NOVA2: variants seen among roughly 807,000 people sequenced by gnomAD.
NOVA2 encodes the protein NOVA alternative splicing regulator 2, also known as RNA-binding protein Nova-2.
NOVA2 carries 9 observed loss-of-function variants against 22.5 expected under a neutral mutation model. The ratio of observed to expected loss-of-function variants is 0.40; its 90% confidence interval spans 0.24 to 0.70. NOVA2 has a LOEUF of 0.70. Among genes scored for constraint, NOVA2 ranks in the 30% least tolerant of loss-of-function variants. The pLI, the probability that NOVA2 is intolerant of heterozygous loss-of-function variation, is 0.38. For missense variants in NOVA2, 383 were observed against 682.8 expected (o/e 0.56, Z 4.89); for synonymous variants, 318 against 335.2 (o/e 0.95, Z 0.56).
intron 2 of NOVA2, 75 bp downstream of exon 2, chr19:45,960,935 A>C (rs1968086988): frequency 1.4e-6 from 2 of 1,452,682 alleles, no homozygotes; most frequent in South Asian, 1.3e-5. Context: ...CTTCCCCCTC[A>C]TCTAGGGCCC....
chr19:45,950,457 G>A (rs568846664), intron 3 of NOVA2, among the ~76,000 whole-genome samples: 170 of 152,274 alleles, frequency 1.1e-3, no homozygotes, highest in African/African-American at 3.6e-3. Context: ...CACTGCTCCC[G>A]GCCTGTTATG....
chr19:45,939,648 T>C lies in NOVA2; in HGVS notation c.*215A>G. 1 of 608,082 alleles carries C rather than the reference T, an allele frequency of 1.6e-6. No homozygotes were observed. Among genetic ancestry groups the C allele is most frequent in the Non-Finnish European group, 2.8e-6 (1 of 351,334 alleles). 37.7% of individuals were successfully genotyped at this position (608,082 alleles called of 1,614,324 possible). ...AGGGAGGGAGGAAGGAGGGGTCAGT[T>C]CCGGGCTGGGGAGGGGGCTTCTGAG... On this transcript the variant is annotated 3_prime_UTR_variant, in exon 4 of 4. Coordinates refer to ENST00000263257, the MANE Select transcript of NOVA2 (RefSeq NM_002516.4).
rs558200767 is a variant in NOVA2 at position 45,965,011 on chromosome 19, C to T, written c.86-3858G>A. Among the ~76,000 whole-genome samples the T allele has an allele frequency of 2.0e-5, 3 of 152,240 alleles. No individual in the cohort carries two copies. The East Asian group carries it at 5.8e-4, about 29-fold the overall frequency. On this transcript the variant is annotated intron_variant, in intron 1 of 3. Coordinates refer to ENST00000263257, the MANE Select transcript of NOVA2 (RefSeq NM_002516.4). ...CACCAAGGCAATCCTCTTAAACTTG[C>T]TTAATCAGACCATTAAGCCTATTAG...
At chr19:45,955,262 T>C (rs1470627815) in intron 2 of NOVA2, among the ~76,000 whole-genome samples, 2 of 152,104 alleles carry the variant, frequency 1.3e-5, no homozygotes, top group African/African-American at 2.4e-5. Flanking sequence ...CTGAGACTAT[T>C]TGGATGACCA....
chr19:45,959,821 G>GGAGAGAGAGAGAGAGAGAGAGAGAGA (rs146270704), intron 2 of NOVA2, among the ~76,000 whole-genome samples: 4 of 136,650 alleles, frequency 2.9e-5, no homozygotes, highest in Non-Finnish European at 6.4e-5. Flanking sequence ...AGACAGAGAG[G>GGAGAGAGAGAGAGAGAGAGAGAGAGA]GAGAGAGAGA....
chr19:45,955,751 G>A (rs1211932078), intron 2 of NOVA2, among the ~76,000 whole-genome samples: 2 of 152,044 alleles, frequency 1.3e-5, no homozygotes, highest in African/African-American at 2.4e-5. Context: ...CCAGCTACAC[G>A]GGAGGCTGAG....
chr19:45,955,790 G>A (rs564010557), intron 2 of NOVA2, among the ~76,000 whole-genome samples: 29 of 152,108 alleles, frequency 1.9e-4, no homozygotes, highest in African/African-American at 6.7e-4. Context: ...CCTGGGAGGC[G>A]GAGGTTGCAG....
intron 1 of NOVA2, among the ~76,000 whole-genome samples, chr19:45,964,348 TTGTGTGTGTGTGTGTGTG>T (rs57818599): frequency 2.0e-3 from 234 of 119,568 alleles, no homozygotes; most frequent in South Asian, 3.2e-3. Flanking sequence ...CCCGGCTAAT[TTGTGTGTGTGTGTGTGTG>T]TGTGTGTGTG....
intron 1 of NOVA2, among the ~76,000 whole-genome samples, chr19:45,972,793 C>T (rs969978512): frequency 2.0e-5 from 3 of 152,142 alleles, no homozygotes; most frequent in African/African-American, 7.2e-5. Context: ...ACGCACGATC[C>T]GGCCAGGGCC....
At position 45,936,583 on chromosome 19, in the gene NOVA2, G is replaced by A. The variant is rs1967656195; in HGVS notation, c.*3280C>T. 6.6e-6 allele frequency: 1 copy of A among 151,220 alleles called. No individual in the cohort carries two copies. Among genetic ancestry groups the A allele is most frequent in the African/African-American group, 2.4e-5 (1 of 41,062 alleles). The allele number at this position is 151,220 out of a possible 1,614,324, so 9.4% of individuals were successfully genotyped here. A position where few individuals can be genotyped will look rare whatever the true frequency, so the allele number is the denominator to read the frequency against. ...GGCACTTTTTTTTTTTTTTAAATGG[G>A]GAAATTGGGGAGAGAGAGTTGAGAC... On this transcript the variant is annotated 3_prime_UTR_variant, in exon 4 of 4. Transcript: ENST00000263257.
chr19:45,967,511 T>A (rs548852226), intron 1 of NOVA2: 1 of 152,198 alleles, frequency 6.6e-6, no homozygotes, highest in Non-Finnish European at 1.5e-5. Flanking sequence ...CTCTACCCGA[T>A]GTAAGAGTCT....
intron 2 of NOVA2, 129 bp from the exon 3 acceptor site, chr19:45,954,075 G>C: frequency 1.0e-6 from 1 of 990,906 alleles, no homozygotes. Context: ...CACACGGTGA[G>C]CCTGGGGGAG....
rs1568657372 is a variant in NOVA2, at chr19:45,936,370, T to C, written c.*3493A>G. Reference sequence around the variant, plus strand: ...AAAGGAGAGCTTTTTTCTGTCTTTTTTTTTTTTTCTTACAAAGATTCTAAG... The same window carrying C: ...AAAGGAGAGCTTTTTTCTGTCTTTTCTTTTTTTTCTTACAAAGATTCTAAG... On this transcript the variant is annotated 3_prime_UTR_variant, in exon 4 of 4. Coordinates refer to ENST00000263257, the MANE Select transcript of NOVA2 (RefSeq NM_002516.4). 6.6e-6 allele frequency: 1 copy of C among 151,724 alleles called. No individual in the cohort carries two copies. The allele number at this position is 151,724 out of a possible 1,614,324, so 9.4% of individuals were successfully genotyped here. A position where few individuals can be genotyped will look rare whatever the true frequency, so the allele number is the denominator to read the frequency against.
intron 1 of NOVA2, among the ~76,000 whole-genome samples, chr19:45,972,364 G>A (rs563419284): frequency 2.0e-5 from 3 of 151,820 alleles, no homozygotes; most frequent in East Asian, 1.9e-4. Flanking sequence ...CACCAGCCAC[G>A]CCTGTGTCAC....
intron 3 of NOVA2, among the ~76,000 whole-genome samples, chr19:45,944,369 G>A (rs1294206652): frequency 1.3e-5 from 2 of 152,132 alleles, no homozygotes; most frequent in Non-Finnish European, 2.9e-5. Flanking sequence ...TTGAGCCCAG[G>A]AGGTTGAGGC....
rs1464512035 is a variant in NOVA2, at chr19:45,938,631, C to G, written c.*1232G>C. 3 of 152,272 alleles carry G rather than the reference C, an allele frequency of 2.0e-5. No individual in the cohort carries two copies. Among genetic ancestry groups the G allele is most frequent in the African/African-American group, 7.2e-5 (3 of 41,428 alleles). 9.4% of individuals were successfully genotyped at this position (152,272 alleles called of 1,614,324 possible). ...CCATCTCCCACCCCTCCCTCCAGGG[C>G]GAGTTCGCAGACTTGACGTGTTTGA... On this transcript the variant is annotated 3_prime_UTR_variant, in exon 4 of 4. Coordinates refer to ENST00000263257, the MANE Select transcript of NOVA2 (RefSeq NM_002516.4).
At chr19:45,942,353 A>T (rs1967773179) in intron 3 of NOVA2, among the ~76,000 whole-genome samples, 1 of 152,168 alleles carries the variant, frequency 6.6e-6, no homozygotes, top group South Asian at 2.1e-4. Flanking sequence ...CAGAGGGAAG[A>T]CTGTGTGAAG....
intron 3 of NOVA2, among the ~76,000 whole-genome samples, chr19:45,944,933 A>C (rs1288776260): frequency 6.6e-6 from 1 of 152,184 alleles, no homozygotes; most frequent in Non-Finnish European, 1.5e-5. Context: ...AGACACAGAA[A>C]GTAGATTTGT....
At chr19:45,942,514 A>G (rs1967775837) in intron 3 of NOVA2, among the ~76,000 whole-genome samples, 1 of 152,132 alleles carries the variant, frequency 6.6e-6, no homozygotes, top group African/African-American at 2.4e-5. Context: ...TGGCAGCCCT[A>G]GCAGACTAAT....
Sources: gnomAD v4.1 joint callset for allele counts (sites outside exome capture counted in the v4.1 genomes callset) on GRCh38, gnomAD v4.1.1 for gene constraint, MANE v1.5 for transcripts, NCBI Gene and HGNC (gene_info 2026-07-23, HGNC 2026-07-21) for gene names.